Variants in SSH2 observed in about 807,000 individuals in gnomAD.
The protein encoded by SSH2 is protein phosphatase Slingshot homolog 2.
SSH2 carries 37 observed loss-of-function variants against 135.2 expected under a neutral mutation model. The observed-to-expected ratio is 0.27, with a 90% CI of 0.21 to 0.36. SSH2 has a LOEUF of 0.36. Among genes scored for constraint, SSH2 ranks in the 10% least tolerant of loss-of-function variants. The probability of loss-of-function intolerance (pLI) is 1.00; values close to 1 mark genes in which losing one functional copy is unlikely to be tolerated. For missense variants in SSH2, 1,408 were observed against 1,765.3 expected (o/e 0.80, Z 3.63); for synonymous variants, 628 against 646.2 (o/e 0.97, Z 0.43).
rs1462916774 is a variant in SSH2 at position 29,755,134 on chromosome 17, T to C, written c.188+38760A>G. ...GACTGGATAATAGCTCTCTAAAAAA[T>C]AATACAGGCTTCCATATTTTTCAGA... On this transcript the variant is annotated intron_variant, in intron 3 of 15. Transcript: ENST00000540801. Among the ~76,000 whole-genome samples the C allele has an allele frequency of 2.0e-5, 3 of 152,324 alleles. No individual in the cohort carries two copies. The East Asian group carries it at 5.8e-4, about 29-fold the overall frequency.
In SSH2 at chr17:29,880,216, C is replaced by T. The variant is rs78652452; in HGVS notation, c.64-31287G>A. ...AGCTCACTGCAGGCTCGAGCCCCACCGGGCTCAAATGATTCACCTCAGTCT... is the reference window on the plus strand; with the variant it reads ...AGCTCACTGCAGGCTCGAGCCCCACTGGGCTCAAATGATTCACCTCAGTCT... On this transcript the variant is annotated intron_variant, in intron 1 of 15. Coordinates refer to ENST00000540801, the MANE Select transcript of SSH2 (RefSeq NM_001282129.2). Among the ~76,000 whole-genome samples, 861 of 152,314 alleles carry T rather than the reference C, an allele frequency of 5.7e-3. 6 individuals are homozygous for T. Among genetic ancestry groups the T allele is most frequent in the African/African-American group, 0.019 (800 of 41,558 alleles).
intron 11 of SSH2, among the ~76,000 whole-genome samples, chr17:29,657,457 C>T (rs772306742): frequency 1.3e-5 from 2 of 149,222 alleles, no homozygotes; most frequent in Admixed American, 6.7e-5. Context: ...TTAGTAAAGA[C>T]GAGATTTCAC....
intron 9 of SSH2, among the ~76,000 whole-genome samples, chr17:29,668,122 T>C (rs1410307560): frequency 6.6e-6 from 1 of 152,228 alleles, no homozygotes; most frequent in Non-Finnish European, 1.5e-5. Flanking sequence ...CACCTCCTTA[T>C]TTGGAGATGA....
Position 29,632,538 on chromosome 17 carries a change from C to A in SSH2, c.2656G>T (p.Ala886Ser), listed in dbSNP as rs763727899. The A allele has an allele frequency of 6.2e-7, 1 of 1,614,182 alleles. No individual in the cohort carries two copies. ...ELQGSGMHPG[A>S]KWYPGSVRRA... Reference sequence around the variant, plus strand: ...CTCACAGACCCAGGGTACCACTTGGCACCTGGGTGCATCCCTGAGCCCTGG... The same window carrying A: ...CTCACAGACCCAGGGTACCACTTGGAACCTGGGTGCATCCCTGAGCCCTGG... The change falls in exon 16 of 16, where the codon GCC (alanine) becomes TCC (serine). Residue 886 changes from alanine (A) to serine (S), a missense_variant. Coordinates refer to ENST00000540801, the MANE Select transcript of SSH2 (RefSeq NM_001282129.2).
intron 1 of SSH2, among the ~76,000 whole-genome samples, chr17:29,927,677 C>G (rs761302078): frequency 6.6e-6 from 1 of 152,032 alleles, no homozygotes; most frequent in Admixed American, 6.5e-5. Context: ...GTACAAGGAC[C>G]TCGAAACAAC....
chr17:29,704,659 C>T (rs772563207), intron 3 of SSH2, among the ~76,000 whole-genome samples: 6 of 145,058 alleles, frequency 4.1e-5, no homozygotes, highest in Admixed American at 2.8e-4. Context: ...GTTATGATGG[C>T]GCCATTGTAC....
At chr17:29,809,950 A>C (rs1490193644) in intron 2 of SSH2, among the ~76,000 whole-genome samples, 1 of 152,052 alleles carries the variant, frequency 6.6e-6, no homozygotes, top group Non-Finnish European at 1.5e-5. Context: ...TTCCAAATAC[A>C]ACCATACTCC....
chr17:29,797,205 G>A (rs2042173640), intron 2 of SSH2, among the ~76,000 whole-genome samples: 3 of 151,816 alleles, frequency 2.0e-5, no homozygotes, highest in Admixed American at 6.6e-5. Flanking sequence ...TTTGACAAAT[G>A]TATGTGTCTA....
chr17:29,672,165 T>C (rs781202194), intron 8 of SSH2, 36 bp from the exon 9 acceptor site: 10 of 1,561,842 alleles, frequency 6.4e-6, no homozygotes, highest in South Asian at 1.1e-5. Flanking sequence ...ACCATAGAAC[T>C]GTGGGGTGCC....
At chr17:29,789,537 G>A (rs1387229863) in intron 3 of SSH2, among the ~76,000 whole-genome samples, 1 of 152,224 alleles carries the variant, frequency 6.6e-6, no homozygotes, top group Non-Finnish European at 1.5e-5. Flanking sequence ...AGGCAATTCA[G>A]TGATGATCAT....
intron 15 of SSH2, among the ~76,000 whole-genome samples, chr17:29,633,869 C>T (rs1461918945): frequency 6.6e-6 from 1 of 152,090 alleles, no homozygotes; most frequent in Non-Finnish European, 1.5e-5. Context: ...AGTATATTTC[C>T]CTGGAACTGT....
rs1020708084 is a variant in SSH2 at position 29,667,015 on chromosome 17, T to C, written c.904-20A>G. 4 of 1,613,934 alleles carry C rather than the reference T, an allele frequency of 2.5e-6. No individual in the cohort carries two copies. Among genetic ancestry groups the C allele is most frequent in the South Asian group, 1.1e-5 (1 of 91,078 alleles). ...TCTTATCTGAAACAAAGATGATATATTGGACCCATCTCTTAAAGTCCCTCT... is the reference window on the plus strand; with the variant it reads ...TCTTATCTGAAACAAAGATGATATACTGGACCCATCTCTTAAAGTCCCTCT... On this transcript the variant is annotated intron_variant, in intron 10 of 15. Coordinates refer to ENST00000540801, the MANE Select transcript of SSH2 (RefSeq NM_001282129.2).
At position 29,631,413 on chromosome 17, in the gene SSH2, G is replaced by T; in HGVS notation, c.3781C>A (p.Arg1261Ser). The T allele has an allele frequency of 6.2e-7, 1 of 1,614,092 alleles. No homozygotes were observed. The highest frequency in any genetic ancestry group is 8.5e-7 in the Non-Finnish European group (1 of 1,180,014). ...LSHSPGVVKE[R>S]AKEIESRVVF... ...ACTCGAGACTCGATTTCTTTAGCAC[G>T]CTCCTTCACCACACCGGGGCTGTGG... The change falls in exon 16 of 16, where the codon CGT (arginine) becomes AGT (serine). Residue 1261 changes from arginine to serine, a missense_variant. Around this residue, in one of 3 missense-constraint regions of SSH2, gnomAD observed 1,080 missense variants for 1,144.5 expected, o/e 0.94. Transcript: ENST00000540801.
chr17:29,715,946 A>G (rs889204239), intron 3 of SSH2, among the ~76,000 whole-genome samples: 1 of 152,108 alleles, frequency 6.6e-6, no homozygotes, highest in African/African-American at 2.4e-5. Flanking sequence ...CTACTCTCCC[A>G]AAGTCCCATT....
intron 1 of SSH2, among the ~76,000 whole-genome samples, chr17:29,924,662 G>A (rs2067034112): frequency 1.3e-5 from 2 of 151,762 alleles, no homozygotes; most frequent in Admixed American, 6.6e-5. Flanking sequence ...TTCCCTTGTG[G>A]TGAAACCAAC....
chr17:29,893,173 C>G (rs2066381705), intron 1 of SSH2, among the ~76,000 whole-genome samples: 1 of 151,986 alleles, frequency 6.6e-6, no homozygotes, highest in African/African-American at 2.4e-5. Flanking sequence ...TCTGACCCAA[C>G]AGTGCACACT....
intron 2 of SSH2, among the ~76,000 whole-genome samples, chr17:29,807,003 G>A (rs868812080): frequency 1.3e-5 from 2 of 152,218 alleles, no homozygotes; most frequent in African/African-American, 4.8e-5. Context: ...ACACCTGGAA[G>A]AGGCTAAATA....
chr17:29,632,576 C>G lies in SSH2; in HGVS notation c.2618G>C (p.Gly873Ala). ...CCCTGAGCCCTGGAGCTCTTGTTCCCCCTCAGCTGGTTCCCCTTCTTCCAA... is the reference window on the plus strand; with the variant it reads ...CCCTGAGCCCTGGAGCTCTTGTTCCGCCTCAGCTGGTTCCCCTTCTTCCAA... ...ADLEEGEPAE[G>A]EQELQGSGMH... The change falls in exon 16 of 16, where the codon GGG becomes GCG. Residue 873 changes from glycine (G) to alanine (A), a missense_variant. Physicochemically the swap from Gly to Ala is moderately conservative, Grantham distance 60 (BLOSUM62 0). Transcript: ENST00000540801. 6.2e-7 allele frequency: 1 copy of G among 1,614,180 alleles called. No homozygotes were observed. Among genetic ancestry groups the G allele is most frequent in the African/African-American group, 1.3e-5 (1 of 75,038 alleles).
intron 3 of SSH2, among the ~76,000 whole-genome samples, chr17:29,741,689 C>G (rs973227701): frequency 6.7e-6 from 1 of 149,178 alleles, no homozygotes; most frequent in African/African-American, 2.5e-5. Context: ...GATCTCAGCT[C>G]GTTGCAACCT....
Sources: allele counts gnomAD v4.1 joint callset (sites outside exome capture counted in the v4.1 genomes callset), GRCh38; gene constraint gnomAD v4.1.1; regional missense constraint gnomAD v4.1.1; transcripts MANE v1.5; gene names NCBI Gene and HGNC (gene_info 2026-07-23, HGNC 2026-07-21).